Variants in RBFOX1 observed in about 807,000 individuals in gnomAD.
RBFOX1 encodes the protein RNA binding protein fox-1 homolog 1.
In RBFOX1, 8 loss-of-function variants were observed where a neutral mutation model predicts 57.7. The observed-to-expected ratio is 0.14, with a 90% confidence interval of 0.08 to 0.25. The LOEUF is 0.25. Among genes scored for constraint, RBFOX1 ranks in the 10% least tolerant of loss-of-function variants. The pLI is 1.00. For synonymous variants in RBFOX1, 326 were observed against 222.4 expected (o/e 1.47, Z -4.15); for missense variants, 611 against 548.5 (o/e 1.11, Z -1.14).
intron 3 of RBFOX1, among the ~76,000 whole-genome samples, chr16:7,003,458 T>TAAA (rs71147633): frequency 7.0e-6 from 1 of 143,610 alleles, no homozygotes; most frequent in Non-Finnish European, 1.5e-5. Flanking sequence ...GACTCCATCT[T>TAAA]AAAAAAAAAA....
chr16:7,588,660 G>T (rs571485483), intron 7 of RBFOX1, among the ~76,000 whole-genome samples: 1 of 152,152 alleles, frequency 6.6e-6, no homozygotes, highest in Non-Finnish European at 1.5e-5. Context: ...GAGGCAAGTC[G>T]GTATCACGGA....
intron 3 of RBFOX1, among the ~76,000 whole-genome samples, chr16:6,790,455 G>A (rs977533637): frequency 1.3e-5 from 2 of 152,130 alleles, no homozygotes; most frequent in African/African-American, 2.4e-5. Flanking sequence ...AAAGTGCTGG[G>A]AATACAGGCG....
At chr16:5,248,226 T>TC (rs1222577399) in intron 1 of RBFOX1, among the ~76,000 whole-genome samples, 3 of 152,318 alleles carry the variant, frequency 2.0e-5, no homozygotes, top group African/African-American at 7.2e-5. Context: ...AATTAACATT[T>TC]CCCCCAAGTT....
At chr16:6,509,123 T>C (rs2096190311) in intron 2 of RBFOX1, among the ~76,000 whole-genome samples, 2 of 152,220 alleles carry the variant, frequency 1.3e-5, no homozygotes, top group South Asian at 4.1e-4. Context: ...TTGTTGTGCT[T>C]TCTTTTGTCT....
Position 6,485,304 on chromosome 16 carries a change from T to G in RBFOX1, c.-64+168247T>G, listed in dbSNP as rs145786992. On this transcript the variant is annotated intron_variant, in intron 2 of 15. Coordinates refer to ENST00000550418, the MANE Select transcript of RBFOX1 (RefSeq NM_018723.4). ...AAGAGGGAATTGTTAATCTGAGGAA[T>G]GAGGTAGGGGGACATGTAGAAGGAG... 1.1e-3 allele frequency among the ~76,000 whole-genome samples: 162 copies of G among 152,322 alleles called. 1 individual carries two copies. Among genetic ancestry groups the G allele is most frequent in the African/African-American group, 3.7e-3 (154 of 41,562 alleles).
chr16:6,670,222 C>A (rs1323301850), intron 3 of RBFOX1, among the ~76,000 whole-genome samples: 1 of 152,040 alleles, frequency 6.6e-6, no homozygotes, highest in Non-Finnish European at 1.5e-5. Context: ...CACCGTTATG[C>A]CTGGCTATGT....
At chr16:5,637,040 T>A (rs1351411718) in intron 3 of RBFOX1, among the ~76,000 whole-genome samples, 4 of 152,224 alleles carry the variant, frequency 2.6e-5, no homozygotes, top group Non-Finnish European at 4.4e-5. Flanking sequence ...TGCTCACTAA[T>A]CATAATGCAA....
chr16:6,467,135 TATA>T (rs1172692823), intron 2 of RBFOX1, among the ~76,000 whole-genome samples: 2 of 151,034 alleles, frequency 1.3e-5, no homozygotes, highest in Non-Finnish European at 3.0e-5. Context: ...GTTAGTGTAA[TATA>T]ATAAAGTTTA....
intron 4 of RBFOX1, among the ~76,000 whole-genome samples, chr16:7,382,383 A>AT (rs2097794762): frequency 6.6e-6 from 1 of 152,178 alleles, no homozygotes; most frequent in Non-Finnish European, 1.5e-5. Context: ...TGGAATGTAT[A>AT]TTTTTCATAT....
intron 2 of RBFOX1, among the ~76,000 whole-genome samples, chr16:5,553,870 C>T (rs1216302409): frequency 6.6e-6 from 1 of 151,946 alleles, no homozygotes; most frequent in Non-Finnish European, 1.5e-5. Flanking sequence ...ATTATTATTG[C>T]ATATGTCTGG....
intron 3 of RBFOX1, among the ~76,000 whole-genome samples, chr16:6,711,176 C>T (rs1568312590): frequency 6.6e-6 from 1 of 152,126 alleles, no homozygotes; most frequent in Admixed American, 6.5e-5. Context: ...TATTGACTGC[C>T]ACCATGGGGA....
chr16:6,936,365 G>T (rs1022637855), intron 3 of RBFOX1, among the ~76,000 whole-genome samples: 1 of 152,058 alleles, frequency 6.6e-6, no homozygotes, highest in South Asian at 2.1e-4. Flanking sequence ...AATGAGCATA[G>T]GCACAAACAG....
intron 4 of RBFOX1, among the ~76,000 whole-genome samples, chr16:7,284,657 T>A (rs1002494463): frequency 1.8e-4 from 27 of 152,164 alleles, no homozygotes; most frequent in Admixed American, 3.3e-4. Context: ...AGATGTTTTT[T>A]AAGAGAGGCA....
chr16:6,320,037 G>T (rs2081579069), intron 2 of RBFOX1, among the ~76,000 whole-genome samples: 1 of 151,970 alleles, frequency 6.6e-6, no homozygotes, highest in African/African-American at 2.4e-5. Flanking sequence ...AATAAGAATT[G>T]CGTCAATTTC....
At chr16:7,106,494 A>G (rs1289718183) in intron 4 of RBFOX1, among the ~76,000 whole-genome samples, 6 of 152,152 alleles carry the variant, frequency 3.9e-5, no homozygotes, top group African/African-American at 1.2e-4. Flanking sequence ...GGATTCCTTT[A>G]TAATTCAGTA....
At chr16:5,818,733 A>T (rs1283010924) in intron 3 of RBFOX1, among the ~76,000 whole-genome samples, 2 of 152,176 alleles carry the variant, frequency 1.3e-5, no homozygotes, top group Non-Finnish European at 2.9e-5. Flanking sequence ...TCAAGGTATG[A>T]TTAGGAGTGT....
At chr16:5,792,162 A>G (rs1411927314) in intron 3 of RBFOX1, among the ~76,000 whole-genome samples, 1 of 152,182 alleles carries the variant, frequency 6.6e-6, no homozygotes, top group African/African-American at 2.4e-5. Flanking sequence ...GGGCTGATAA[A>G]AGAGAACCTG....
intron 1 of RBFOX1, among the ~76,000 whole-genome samples, chr16:6,262,333 T>C (rs537850437): frequency 1.3e-5 from 2 of 152,236 alleles, no homozygotes; most frequent in South Asian, 2.1e-4. Flanking sequence ...CCGAAATTAG[T>C]CACATGGGTA....
chr16:6,870,940 G>T (rs185037259), intron 3 of RBFOX1, among the ~76,000 whole-genome samples: 2 of 152,112 alleles, frequency 1.3e-5, no homozygotes, highest in South Asian at 4.1e-4. Flanking sequence ...ATTTCTATCC[G>T]TAAGTGTCCA....
Sources: allele counts gnomAD v4.1 joint callset (sites outside exome capture counted in the v4.1 genomes callset), GRCh38; gene constraint gnomAD v4.1.1; transcripts MANE v1.5; gene names NCBI Gene and HGNC (gene_info 2026-07-23, HGNC 2026-07-21).